The following SHANK2 variants were observed in gnomAD, a reference collection of about 807,000 sequenced individuals.
The protein encoded by SHANK2 is SH3 and multiple ankyrin repeat domains 2.
SHANK2 carries 43 observed loss-of-function variants against 133.7 expected under a neutral mutation model. That is an observed-to-expected ratio of 0.32 (90% CI 0.25 to 0.41). The LOEUF (loss-of-function observed/expected upper bound fraction) is 0.41, where lower values mean the gene tolerates loss of function less well. Among genes scored for constraint, SHANK2 ranks in the 10% least tolerant of loss-of-function variants. The pLI is 1.00. For synonymous variants in SHANK2, 1,017 were observed against 952.8 expected (o/e 1.07, Z -1.24); for missense variants, 1,994 against 2,235.8 (o/e 0.89, Z 2.18).
intron 2 of SHANK2, among the ~76,000 whole-genome samples, chr11:71,154,895 C>G (rs1338860271): frequency 2.5e-5 from 3 of 118,498 alleles, no homozygotes; most frequent in Non-Finnish European, 5.3e-5. Flanking sequence ...GACCTACCCC[C>G]GCCCACACTC....
chr11:71,154,704 G>A lies in SHANK2; in HGVS notation c.-12-7366C>T, dbSNP rs147891877. On this transcript the variant is annotated intron_variant, in intron 2 of 25. Transcript: ENST00000601538. ...ACCTACCCCAGCCCACGCTCCCAGA[G>A]GAGGGATGGACCTACCCCCACCCAC... is the stretch of plus-strand genomic sequence containing the variant. 5.9e-3 allele frequency among the ~76,000 whole-genome samples: 771 copies of A among 129,622 alleles called. 9 individuals are homozygous for A. Among genetic ancestry groups the A allele is most frequent in the African/African-American group, 0.022 (731 of 33,214 alleles). 85.0% of individuals were successfully genotyped at this position (129,622 alleles called of 152,430 possible).
intron 14 of SHANK2, among the ~76,000 whole-genome samples, chr11:70,740,486 T>C (rs1946501073): frequency 6.6e-6 from 1 of 152,172 alleles, no homozygotes; most frequent in Non-Finnish European, 1.5e-5. Flanking sequence ...CGGTCTTTTC[T>C]GGGTCTCTCA....
At chr11:70,691,412 G>A (rs1945286702) in intron 15 of SHANK2, among the ~76,000 whole-genome samples, 1 of 152,136 alleles carries the variant, frequency 6.6e-6, no homozygotes, top group Non-Finnish European at 1.5e-5. Context: ...GAGAAGAGCA[G>A]TACTCCCTGG....
Position 70,472,812 on chromosome 11 carries a change from C to T in SHANK2, c.*57G>A. ...TTCGCTTGGCATTCAGATGTTTCAG[C>T]ACGAGCCCATCTCTACTTATAACAA... On this transcript the variant is annotated 3_prime_UTR_variant, in exon 26 of 26. Coordinates refer to ENST00000601538, the MANE Select transcript of SHANK2 (RefSeq NM_012309.5). This position sits in a 1 kb window ranked among gnomAD's most constrained non-coding sequence, Gnocchi z 4.4. 1 of 1,534,622 alleles carries T rather than the reference C, an allele frequency of 6.5e-7. No homozygotes were observed. The highest frequency in any genetic ancestry group is 9.0e-7 in the Non-Finnish European group (1 of 1,107,738).
At chr11:70,771,341 G>C (rs1351182044) in intron 14 of SHANK2, among the ~76,000 whole-genome samples, 1 of 152,222 alleles carries the variant, frequency 6.6e-6, no homozygotes, top group Non-Finnish European at 1.5e-5. Context: ...ACATGCACAA[G>C]TGACCAGCAC....
rs1555151053 is a variant in SHANK2 at position 70,479,803 on chromosome 11, G to GTATC, written c.4979+5507_4979+5510dup. 6.6e-6 allele frequency among the ~76,000 whole-genome samples: 1 copy of GTATC among 152,232 alleles called. No individual in the cohort carries two copies. Among genetic ancestry groups the GTATC allele is most frequent in the African/African-American group, 2.4e-5 (1 of 41,460 alleles). ...TACTATCGGCGCCTGGTATGTGTCA[G>GTATC]TATCTCTCAATAAAGCTGGAGGGCA... On this transcript the variant is annotated intron_variant, in intron 25 of 25. Coordinates refer to ENST00000601538, the MANE Select transcript of SHANK2 (RefSeq NM_012309.5). This position sits in a 1 kb window ranked among gnomAD's most constrained non-coding sequence, Gnocchi z 4.4.
intron 8 of SHANK2, among the ~76,000 whole-genome samples, chr11:71,085,699 TTATA>T (rs1240551954): frequency 4.1e-5 from 2 of 48,980 alleles, no homozygotes; most frequent in African/African-American, 8.5e-5. Context: ...ATATAACATA[TTATA>T]TGTTATATAT....
chr11:70,821,895 T>C (rs1948532374), intron 11 of SHANK2, among the ~76,000 whole-genome samples: 1 of 152,164 alleles, frequency 6.6e-6, no homozygotes, highest in African/African-American at 2.4e-5. Context: ...GCACCCCTTA[T>C]CTGGCATCCT....
chr11:70,886,885 C>T (rs1472681221), intron 11 of SHANK2, among the ~76,000 whole-genome samples: 2 of 152,240 alleles, frequency 1.3e-5, no homozygotes, highest in Admixed American at 6.5e-5. Context: ...CACACATCAG[C>T]TCAATGTGCC....
chr11:70,779,996 A>G (rs1367038345), intron 14 of SHANK2, among the ~76,000 whole-genome samples: 2 of 152,150 alleles, frequency 1.3e-5, no homozygotes, highest in African/African-American at 4.8e-5. Context: ...TTCTTTCTGC[A>G]GGACTTGGAC....
intron 25 of SHANK2, among the ~76,000 whole-genome samples, chr11:70,483,562 A>G (rs1486114397): frequency 1.7e-5 from 2 of 114,424 alleles, no homozygotes; most frequent in Non-Finnish European, 3.8e-5. Context: ...AAAAAAAAAA[A>G]TAGCTGGGTG....
At chr11:71,142,047 C>T (rs1555105919) in intron 3 of SHANK2, among the ~76,000 whole-genome samples, 1 of 151,414 alleles carries the variant, frequency 6.6e-6, no homozygotes, top group East Asian at 1.9e-4. Flanking sequence ...AAAAATAAGA[C>T]AGAAAACCTA....
At chr11:70,778,528 C>T (rs74493812) in intron 14 of SHANK2, among the ~76,000 whole-genome samples, 2 of 152,172 alleles carry the variant, frequency 1.3e-5, no homozygotes, top group African/African-American at 4.8e-5. Context: ...AATGAAGGTA[C>T]AAGGCAGGGC....
At chr11:70,514,521 C>G (rs2059242609) in intron 17 of SHANK2, among the ~76,000 whole-genome samples, 1 of 152,172 alleles carries the variant, frequency 6.6e-6, no homozygotes, top group African/African-American at 2.4e-5. Flanking sequence ...AAAAATAATA[C>G]TGATTTTGGG....
intron 9 of SHANK2, among the ~76,000 whole-genome samples, chr11:71,058,071 T>C (rs1393218761): frequency 2.0e-5 from 3 of 151,592 alleles, no homozygotes; most frequent in African/African-American, 7.3e-5. Flanking sequence ...ATTTTTGTAT[T>C]TTTTTGTAGA....
chr11:70,562,975 G>A (rs1554981167), intron 17 of SHANK2, among the ~76,000 whole-genome samples: 7 of 152,106 alleles, frequency 4.6e-5, no homozygotes. Flanking sequence ...GGGTTCAAGC[G>A]ATTCTCCTGC....
At chr11:70,795,407 C>CTTTTTTT (rs71049944) in intron 14 of SHANK2, among the ~76,000 whole-genome samples, 33 of 128,420 alleles carry the variant, frequency 2.6e-4, no homozygotes, top group Non-Finnish European at 3.5e-4. Flanking sequence ...CTTTCTTTTT[C>CTTTTTTT]TTTTTTTTTT....
At chr11:70,873,969 G>A (rs1240226784) in intron 11 of SHANK2, among the ~76,000 whole-genome samples, 1 of 152,100 alleles carries the variant, frequency 6.6e-6, no homozygotes, top group Non-Finnish European at 1.5e-5. Context: ...GGCAGGCTGG[G>A]GGCAGCATCC....
intron 17 of SHANK2, among the ~76,000 whole-genome samples, chr11:70,537,388 T>C (rs1554974335): frequency 6.6e-6 from 1 of 152,264 alleles, no homozygotes; most frequent in African/African-American, 2.4e-5. Flanking sequence ...GGATTTATGG[T>C]GGTTTAAAAT....
Sources: gnomAD v4.1 joint callset for allele counts (sites outside exome capture counted in the v4.1 genomes callset) on GRCh38, gnomAD v4.1.1 for gene constraint, Gnocchi (gnomAD v3.1) non-coding constraint, MANE v1.5 for transcripts, NCBI Gene and HGNC (gene_info 2026-07-23, HGNC 2026-07-21) for gene names.